ZNF609: variants seen among roughly 807,000 people sequenced by gnomAD.
ZNF609 encodes the protein zinc finger protein 609.
Under a neutral mutation model 109.5 loss-of-function variants are expected in ZNF609, and 11 were observed. The ratio of observed to expected loss-of-function variants is 0.10; its 90% CI spans 0.06 to 0.17. The LOEUF is 0.17. Ranked by LOEUF, ZNF609 falls within the 10% of genes least tolerant of loss-of-function variation. The pLI is 1.00. For synonymous variants in ZNF609, 646 were observed against 662.0 expected (o/e 0.98, Z 0.37); for missense variants, 1,559 against 1,772.4 (o/e 0.88, Z 2.16).
At chr15:64,471,858 C>T (rs1893096446) in intron 1 of ZNF609, among the ~76,000 whole-genome samples, 1 of 152,056 alleles carries the variant, frequency 6.6e-6, no homozygotes, top group African/African-American at 2.4e-5. Context: ...GCTGGGATTA[C>T]AGGCATGAGC....
intron 3 of ZNF609, among the ~76,000 whole-genome samples, chr15:64,653,842 C>T (rs1054612641): frequency 2.0e-5 from 3 of 152,124 alleles, no homozygotes; most frequent in African/African-American, 7.2e-5. Context: ...AGATATCACA[C>T]TCTCCTAGAC....
chr15:64,629,908 G>A (rs1896037337), intron 3 of ZNF609, among the ~76,000 whole-genome samples: 1 of 151,834 alleles, frequency 6.6e-6, no homozygotes, highest in Non-Finnish European at 1.5e-5. Flanking sequence ...GAACAATACC[G>A]AGAACTTTAT....
At chr15:64,546,550 A>G (rs549370085) in intron 2 of ZNF609, among the ~76,000 whole-genome samples, 1 of 150,146 alleles carries the variant, frequency 6.7e-6, no homozygotes, top group East Asian at 2.0e-4. Context: ...AGGGCTCACC[A>G]CAGCCCCAAC....
In ZNF609 at chr15:64,491,578, G is replaced by A. The variant is rs550028283; in HGVS notation, c.-127-7715G>A. 2.0e-5 allele frequency among the ~76,000 whole-genome samples: 3 copies of A among 152,312 alleles called. No homozygotes were observed. In the South Asian group the frequency reaches 6.2e-4, roughly 32 times the overall value. Reference sequence around the variant, plus strand: ...AAAACCATGAGTTTTGCCGGGTGTGGTGGCTCACGCCTGTAATCCCAGCAC... The same window carrying A: ...AAAACCATGAGTTTTGCCGGGTGTGATGGCTCACGCCTGTAATCCCAGCAC... On this transcript the variant is annotated intron_variant, in intron 1 of 9. Transcript: ENST00000326648.
intron 1 of ZNF609, among the ~76,000 whole-genome samples, chr15:64,477,498 C>G (rs1893190545): frequency 6.6e-6 from 1 of 151,920 alleles, no homozygotes; most frequent in African/African-American, 2.4e-5. Context: ...TACCCTTTCC[C>G]TTTTCTCCTT....
chr15:64,556,482 T>C (rs1005445219), intron 2 of ZNF609, among the ~76,000 whole-genome samples: 88 of 152,238 alleles, frequency 5.8e-4, no homozygotes, highest in African/African-American at 1.9e-3. Context: ...CATATATATA[T>C]ATTAGTTTAT....
intron 1 of ZNF609, among the ~76,000 whole-genome samples, chr15:64,484,479 C>T (rs1389130659): frequency 6.6e-6 from 1 of 151,928 alleles, no homozygotes; most frequent in African/African-American, 2.4e-5. Context: ...AGTTCCGGGC[C>T]AGCCTGGCCA....
chr15:64,483,489 T>C (rs114523080), intron 1 of ZNF609, among the ~76,000 whole-genome samples: 1,975 of 152,118 alleles, frequency 0.013, 32 homozygotes, highest in African/African-American at 0.046. Context: ...TGGGCTCCAG[T>C]TATCATCCTG....
rs1238907807 is a variant in ZNF609 at position 64,681,245 on chromosome 15, AG to A, written c.4163-61del. On this transcript the variant is annotated intron_variant, in intron 8 of 9. Transcript: ENST00000326648. ...TTTTTCTGTCAGCACCCCAAAACTC[AG>A]GGAAAAAGATTAATGGAAGGTTTCT... 29 of 1,499,776 alleles carry A rather than the reference AG, an allele frequency of 1.9e-5. No homozygotes were observed. The East Asian group carries it at 6.4e-4, about 33-fold the overall frequency. The allele number at this position is 1,499,776 out of a possible 1,614,324, so 92.9% of individuals were successfully genotyped here. A position where few individuals can be genotyped will look rare whatever the true frequency, so the allele number is the denominator to read the frequency against.
intron 9 of ZNF609, 112 bp from the exon 10 acceptor site, chr15:64,681,580 C>T: frequency 1.8e-6 from 1 of 571,314 alleles, no homozygotes; most frequent in Non-Finnish European, 3.1e-6. Flanking sequence ...ACACAGTGTC[C>T]CCTAGGGACC....
chr15:64,639,368 GTTA>G (rs1279074402), intron 3 of ZNF609, among the ~76,000 whole-genome samples: 1 of 152,226 alleles, frequency 6.6e-6, no homozygotes, highest in Non-Finnish European at 1.5e-5. Context: ...ACAACAGAAA[GTTA>G]TTATTTCACA....
At chr15:64,622,092 C>T (rs998142086) in intron 2 of ZNF609, among the ~76,000 whole-genome samples, 3 of 152,138 alleles carry the variant, frequency 2.0e-5, no homozygotes, top group Non-Finnish European at 2.9e-5. Context: ...TGATTGGCTT[C>T]TGGGTGGCAA....
intron 2 of ZNF609, among the ~76,000 whole-genome samples, chr15:64,584,578 G>T (rs1288722827): frequency 6.6e-6 from 1 of 152,000 alleles, no homozygotes; most frequent in East Asian, 1.9e-4. Flanking sequence ...GGGATTACAG[G>T]AATGAGCCAC....
chr15:64,460,143 C>T (rs1892915462), upstream of ZNF609, among the ~76,000 whole-genome samples: 1 of 152,062 alleles, frequency 6.6e-6, no homozygotes, highest in Non-Finnish European at 1.5e-5. Context: ...GCTGTGATTG[C>T]TCTTCTGTTC....
chr15:64,523,470 T>A (rs1016838663), intron 2 of ZNF609, among the ~76,000 whole-genome samples: 14 of 152,008 alleles, frequency 9.2e-5, no homozygotes, highest in Middle Eastern at 3.2e-3. Flanking sequence ...TCTAGGAAAA[T>A]CTTTGAAAAT....
At chr15:64,616,996 T>TG (rs1314404078) in intron 2 of ZNF609, among the ~76,000 whole-genome samples, 2 of 150,202 alleles carry the variant, frequency 1.3e-5, no homozygotes, top group African/African-American at 2.5e-5. Flanking sequence ...TTAGTAGAGA[T>TG]GGGGTTTCAC....
chr15:64,495,554 G>C (rs1381646717), intron 1 of ZNF609, among the ~76,000 whole-genome samples: 1 of 151,538 alleles, frequency 6.6e-6, no homozygotes, highest in Non-Finnish European at 1.5e-5. Flanking sequence ...TGTCACACCT[G>C]GTTAATTTTC....
At chr15:64,492,431 A>C (rs1893426225) in intron 1 of ZNF609, among the ~76,000 whole-genome samples, 1 of 152,218 alleles carries the variant, frequency 6.6e-6, no homozygotes, top group South Asian at 2.1e-4. Context: ...TATTTTTCTT[A>C]ATACTTTAGA....
intron 3 of ZNF609, among the ~76,000 whole-genome samples, chr15:64,641,594 C>A (rs1896258673): frequency 6.6e-6 from 1 of 152,004 alleles, no homozygotes; most frequent in Non-Finnish European, 1.5e-5. Context: ...TCTCTCCAAC[C>A]CAGACTTGAA....
Sources: gnomAD v4.1 joint callset for allele counts (sites outside exome capture counted in the v4.1 genomes callset) on GRCh38, gnomAD v4.1.1 for gene constraint, MANE v1.5 for transcripts, NCBI Gene and HGNC (gene_info 2026-07-23, HGNC 2026-07-21) for gene names.